Variants in LRMDA observed in about 807,000 individuals in gnomAD.
LRMDA encodes the protein leucine-rich melanocyte differentiation-associated protein.
A neutral mutation model predicts 29.8 loss-of-function variants in LRMDA; 18 were observed. The observed-to-expected ratio is 0.60, with a 90% confidence interval of 0.42 to 0.90. LRMDA has a LOEUF of 0.90. LRMDA is among the 40% of genes least tolerant of loss of function. LRMDA has a pLI of 0.00. For synonymous variants in LRMDA, 125 were observed against 109.4 expected (o/e 1.14, Z -0.89); for missense variants, 273 against 273.9 (o/e 1.00, Z 0.02).
At chr10:75,854,273 T>C (rs1023275206) in intron 2 of LRMDA, among the ~76,000 whole-genome samples, 1 of 152,176 alleles carries the variant, frequency 6.6e-6, no homozygotes, top group African/African-American at 2.4e-5. Context: ...GGTTTCTGGA[T>C]TTTAGAACAT....
chr10:75,482,869 A>C (rs532912124), intron 2 of LRMDA, among the ~76,000 whole-genome samples: 6 of 152,244 alleles, frequency 3.9e-5, no homozygotes, highest in Non-Finnish European at 8.8e-5. Flanking sequence ...AATCATGGGG[A>C]AAACATATTC....
chr10:75,495,427 T>C (rs1177939375), intron 2 of LRMDA, among the ~76,000 whole-genome samples: 2 of 152,158 alleles, frequency 1.3e-5, no homozygotes, highest in Admixed American at 6.5e-5. Flanking sequence ...GGGACCATTT[T>C]TTGAGTGCCA....
chr10:75,855,302 A>C (rs1488740246), intron 2 of LRMDA, among the ~76,000 whole-genome samples: 1 of 152,050 alleles, frequency 6.6e-6, no homozygotes, highest in Admixed American at 6.5e-5. Flanking sequence ...TTTGATTTGC[A>C]TTTCTCTGAT....
chr10:75,928,430 G>A (rs1846156457), intron 2 of LRMDA, among the ~76,000 whole-genome samples: 1 of 152,032 alleles, frequency 6.6e-6, no homozygotes, highest in South Asian at 2.1e-4. Context: ...TTACTCCAGT[G>A]AAGCTAAAAA....
chr10:76,012,399 A>G (rs745614594), intron 2 of LRMDA, among the ~76,000 whole-genome samples: 11 of 152,152 alleles, frequency 7.2e-5, no homozygotes, highest in African/African-American at 1.2e-4. Flanking sequence ...TGAAGAGCCA[A>G]TGGGACCCTA....
intron 2 of LRMDA, among the ~76,000 whole-genome samples, chr10:75,923,997 A>G (rs192006962): frequency 3.3e-5 from 5 of 152,334 alleles, no homozygotes; most frequent in Admixed American, 2.0e-4. Flanking sequence ...GTCACCAGCA[A>G]AGGAGCTTTA....
chr10:76,400,139 A>G (rs1841833221), intron 6 of LRMDA, among the ~76,000 whole-genome samples: 2 of 152,240 alleles, frequency 1.3e-5, no homozygotes, highest in Admixed American at 1.3e-4. Flanking sequence ...TGAAGTAAGA[A>G]GCTATGTTGG....
intron 2 of LRMDA, among the ~76,000 whole-genome samples, chr10:75,670,176 A>G (rs1841873554): frequency 1.3e-5 from 2 of 152,216 alleles, no homozygotes; most frequent in African/African-American, 4.8e-5. Context: ...TGTTCTCAGA[A>G]TATTAACAGT....
intron 2 of LRMDA, among the ~76,000 whole-genome samples, chr10:75,905,079 G>T (rs770265410): frequency 5.3e-5 from 8 of 152,214 alleles, no homozygotes; most frequent in Non-Finnish European, 8.8e-5. Context: ...AATTTCACAA[G>T]TTGTAAATTC....
chr10:75,874,196 C>G (rs532563034), intron 2 of LRMDA, among the ~76,000 whole-genome samples: 1 of 152,008 alleles, frequency 6.6e-6, no homozygotes, highest in Non-Finnish European at 1.5e-5. Flanking sequence ...AAGTAAAAGT[C>G]GGGGGAAAGA....
At chr10:76,409,807 G>A (rs1841939069) in intron 6 of LRMDA, among the ~76,000 whole-genome samples, 1 of 152,114 alleles carries the variant, frequency 6.6e-6, no homozygotes, top group Admixed American at 6.5e-5. Flanking sequence ...CTACTTACTG[G>A]GCAGTGTCCA....
chr10:76,145,944 A>G (rs1476927932), intron 5 of LRMDA, among the ~76,000 whole-genome samples: 1 of 150,970 alleles, frequency 6.6e-6, no homozygotes, highest in South Asian at 2.1e-4. Context: ...TCATTTTGTT[A>G]TGTACCCAGT....
intron 5 of LRMDA, among the ~76,000 whole-genome samples, chr10:76,297,312 A>G (rs1191704914): frequency 6.6e-6 from 1 of 152,200 alleles, no homozygotes; most frequent in Non-Finnish European, 1.5e-5. Context: ...CTCTTGTAAG[A>G]GGTATCTGAA....
chr10:76,210,110 C>G (rs1851609588), intron 5 of LRMDA, among the ~76,000 whole-genome samples: 1 of 152,166 alleles, frequency 6.6e-6, no homozygotes, highest in African/African-American at 2.4e-5. Context: ...CTTAATTACA[C>G]ATAATTTGGG....
chr10:76,458,295 G>T (rs565004948), intron 6 of LRMDA, among the ~76,000 whole-genome samples: 17 of 152,218 alleles, frequency 1.1e-4, no homozygotes, highest in African/African-American at 3.6e-4. Context: ...ACCTGAACCA[G>T]CCTGCACTGG....
intron 6 of LRMDA, among the ~76,000 whole-genome samples, chr10:76,387,122 A>G (rs913796350): frequency 3.3e-5 from 5 of 152,136 alleles, no homozygotes; most frequent in African/African-American, 1.2e-4. Context: ...CTGGAAAGCA[A>G]TTTGATAATT....
rs114108324 is a variant in LRMDA at position 75,715,561 on chromosome 10, A to G, written c.131+277067A>G. 5.5e-3 allele frequency among the ~76,000 whole-genome samples: 833 copies of G among 152,266 alleles called. 7 individuals carry two copies. The highest frequency in any genetic ancestry group is 0.019 in the African/African-American group (793 of 41,534). On this transcript the variant is annotated intron_variant, in intron 2 of 6. Coordinates refer to ENST00000611255, the MANE Select transcript of LRMDA (RefSeq NM_001305581.2). ...CAATATGTATTTTGAGCATATTCTC[A>G]TGTCATTAATAATTCTTCTGAAACA... is the stretch of plus-strand genomic sequence containing the variant.
chr10:76,080,976 G>A (rs780450307), intron 5 of LRMDA, among the ~76,000 whole-genome samples: 28 of 152,184 alleles, frequency 1.8e-4, no homozygotes, highest in Admixed American at 3.9e-4. Context: ...AGCCCTTGGT[G>A]GGAAGCACGG....
chr10:75,575,285 CCTT>C (rs1564804637), intron 2 of LRMDA, among the ~76,000 whole-genome samples: 4 of 152,216 alleles, frequency 2.6e-5, no homozygotes, highest in African/African-American at 9.7e-5. Context: ...AATCTCATGT[CCTT>C]CTCACATTTT....
Sources: allele counts gnomAD v4.1 joint callset (sites outside exome capture counted in the v4.1 genomes callset), GRCh38; gene constraint gnomAD v4.1.1; transcripts MANE v1.5; gene names NCBI Gene and HGNC (gene_info 2026-07-23, HGNC 2026-07-21).